The following PKHD1 variants were observed in gnomAD, a reference collection of about 807,000 sequenced individuals.
PKHD1 encodes the protein fibrocystin.
A neutral mutation model predicts 412.0 loss-of-function variants in PKHD1; 291 were observed. The ratio of observed to expected loss-of-function variants is 0.71; its 90% CI spans 0.64 to 0.78. PKHD1 has a LOEUF of 0.78. Among genes scored for constraint, PKHD1 ranks in the 30% least tolerant of loss-of-function variants. The probability of loss-of-function intolerance (pLI) is 0.00; values close to 1 mark genes in which losing one functional copy is unlikely to be tolerated. For synonymous variants in PKHD1, 1,777 were observed against 1,821.5 expected, an observed-to-expected ratio of 0.98 and a Z score of 0.62; for missense variants, 4,825 against 4,950.7, an observed-to-expected ratio of 0.97 and a Z score of 0.76.
chr6:51,657,466 T>C (rs1772068629), intron 61 of PKHD1, among the ~76,000 whole-genome samples: 1 of 152,116 alleles, frequency 6.6e-6, no homozygotes, highest in Non-Finnish European at 1.5e-5. Context: ...CTCTTTGCCT[T>C]ATGTCTAGAA....
intron 60 of PKHD1, among the ~76,000 whole-genome samples, chr6:51,734,296 A>C (rs1783572591): frequency 1.3e-5 from 2 of 152,228 alleles, no homozygotes. Flanking sequence ...CATTTTTTAC[A>C]ATCTCCTGAA....
intron 2 of PKHD1, 107 bp from the exon 3 acceptor site, chr6:52,083,362 C>T: frequency 2.6e-6 from 2 of 777,954 alleles, no homozygotes; most frequent in South Asian, 1.4e-5. Context: ...ACCAGAAAGG[C>T]TTGATTAAGC....
At chr6:51,663,356 A>G (rs1451814522) in intron 60 of PKHD1, among the ~76,000 whole-genome samples, 2 of 152,032 alleles carry the variant, frequency 1.3e-5, no homozygotes, top group Non-Finnish European at 2.9e-5. Context: ...TCTTAAAGTG[A>G]CCTCTAAAGA....
chr6:51,857,654 AG>A (rs989440852), intron 48 of PKHD1, among the ~76,000 whole-genome samples: 1 of 152,246 alleles, frequency 6.6e-6, no homozygotes, highest in African/African-American at 2.4e-5. Context: ...ACATCTACTT[AG>A]GTCTCATTTA....
At chr6:51,864,304 G>A (rs938423779) in intron 48 of PKHD1, among the ~76,000 whole-genome samples, 2 of 152,266 alleles carry the variant, frequency 1.3e-5, no homozygotes, top group African/African-American at 2.4e-5. Context: ...TTCTTTAAAA[G>A]TTTCACGCAA....
chr6:51,962,584 A>C (rs1289565867), intron 35 of PKHD1, among the ~76,000 whole-genome samples: 3 of 152,110 alleles, frequency 2.0e-5, no homozygotes, highest in African/African-American at 7.2e-5. Flanking sequence ...TCTACTTTCC[A>C]GTGGAGAAAG....
intron 66 of PKHD1, chr6:51,622,441 CAGA>C (rs1766745491): frequency 6.6e-6 from 1 of 152,084 alleles, no homozygotes; most frequent in Admixed American, 6.6e-5. Context: ...GGATCTGAAG[CAGA>C]AGGATGAAAA....
chr6:51,679,481 T>C (rs1776334772), intron 60 of PKHD1, among the ~76,000 whole-genome samples: 1 of 151,858 alleles, frequency 6.6e-6, no homozygotes, highest in Non-Finnish European at 1.5e-5. Context: ...TGTTCCCAGC[T>C]CCTGAGTGCC....
At chr6:51,741,057 C>T (rs560742529) in intron 60 of PKHD1, 2 of 517,636 alleles carry the variant, frequency 3.9e-6, no homozygotes, top group Admixed American at 1.9e-5. Flanking sequence ...TGATATTACT[C>T]ATGGAGTTTT....
chr6:51,850,952 C>T (rs1236598184), intron 49 of PKHD1, among the ~76,000 whole-genome samples: 3 of 152,068 alleles, frequency 2.0e-5, no homozygotes, highest in East Asian at 3.9e-4. Flanking sequence ...ACTGGTGAGA[C>T]AGGGCATCCT....
At chr6:51,988,786 A>G (rs898287796) in intron 35 of PKHD1, among the ~76,000 whole-genome samples, 4 of 152,188 alleles carry the variant, frequency 2.6e-5, no homozygotes, top group Non-Finnish European at 4.4e-5. Flanking sequence ...TAAGTCAAGG[A>G]CCCAGGACCT....
chr6:51,952,553 A>C (rs116697795), intron 36 of PKHD1, among the ~76,000 whole-genome samples: 1,651 of 152,254 alleles, frequency 0.011, 34 homozygotes, highest in African/African-American at 0.037. Flanking sequence ...GAGGGAAGAA[A>C]AAATACACCT....
At chr6:51,677,602 A>C (rs1276928042) in intron 60 of PKHD1, among the ~76,000 whole-genome samples, 1 of 152,154 alleles carries the variant, frequency 6.6e-6, no homozygotes, top group Non-Finnish European at 1.5e-5. Context: ...TACAAGAAAA[A>C]CGGAAAACTA....
intron 55 of PKHD1, among the ~76,000 whole-genome samples, chr6:51,762,833 G>A (rs1021638877): frequency 4.6e-5 from 7 of 151,856 alleles, no homozygotes; most frequent in East Asian, 1.9e-4. Context: ...AGTTAATACC[G>A]TACCAATATC....
At chr6:51,704,421 T>A (rs894544520) in intron 60 of PKHD1, among the ~76,000 whole-genome samples, 1 of 152,120 alleles carries the variant, frequency 6.6e-6, no homozygotes, top group Non-Finnish European at 1.5e-5. Context: ...GACACTTACA[T>A]AATCAGATTA....
At chr6:51,864,531 A>G (rs1288403859) in intron 48 of PKHD1, among the ~76,000 whole-genome samples, 2 of 152,188 alleles carry the variant, frequency 1.3e-5, no homozygotes, top group Admixed American at 1.3e-4. Flanking sequence ...GAAATAAGGT[A>G]CAAAGATGAG....
intron 13 of PKHD1, among the ~76,000 whole-genome samples, chr6:52,063,875 C>T (rs1287968352): frequency 6.6e-6 from 1 of 152,252 alleles, no homozygotes; most frequent in Non-Finnish European, 1.5e-5. Flanking sequence ...AAGGACAACA[C>T]TAACTGTCAA....
At chr6:51,942,362 C>T (rs967812474) in intron 36 of PKHD1, among the ~76,000 whole-genome samples, 1 of 151,766 alleles carries the variant, frequency 6.6e-6, no homozygotes, top group Admixed American at 6.6e-5. Context: ...CTGCGTGCAG[C>T]AGCCGCTGCC....
At chr6:51,805,068 C>T (rs1392086125) in intron 52 of PKHD1, among the ~76,000 whole-genome samples, 1 of 152,172 alleles carries the variant, frequency 6.6e-6, no homozygotes, top group East Asian at 1.9e-4. Flanking sequence ...TACCAAAAGA[C>T]ACATGCACTT....
Sources: gnomAD v4.1 joint callset for allele counts (sites outside exome capture counted in the v4.1 genomes callset) on GRCh38, gnomAD v4.1.1 for gene constraint, MANE v1.5 for transcripts, NCBI Gene and HGNC (gene_info 2026-07-23, HGNC 2026-07-21) for gene names.